Variants in AREL1 observed in about 807,000 individuals in gnomAD.
AREL1 encodes the protein apoptosis-resistant E3 ubiquitin protein ligase 1.
In AREL1, 62 loss-of-function variants were observed where a neutral mutation model predicts 99.0. The ratio of observed to expected loss-of-function variants is 0.63; its 90% CI spans 0.51 to 0.77. The LOEUF (loss-of-function observed/expected upper bound fraction) is 0.77, where lower values mean the gene tolerates loss of function less well. Among genes scored for constraint, AREL1 ranks in the 30% least tolerant of loss-of-function variants. The pLI, the probability that AREL1 is intolerant of heterozygous loss-of-function variation, is 0.00. For synonymous variants in AREL1, 380 were observed against 376.5 expected, an observed-to-expected ratio of 1.01 and a Z score of -0.11; for missense variants, 879 against 1,027.6, an observed-to-expected ratio of 0.86 and a Z score of 1.98.
chr14:74,684,776 G>A (rs763408152), intron 3 of AREL1, 96 bp from the exon 4 acceptor site: 55 of 1,090,788 alleles, frequency 5.0e-5, no homozygotes, highest in Admixed American at 8.0e-5. Flanking sequence ...ATTAAAGGAG[G>A]TCAGGATGAG....
chr14:74,711,060 C>T (rs1453603637), intron 1 of AREL1, among the ~76,000 whole-genome samples: 2 of 147,390 alleles, frequency 1.4e-5, no homozygotes, highest in Non-Finnish European at 3.0e-5. Flanking sequence ...GGAGAAACCC[C>T]GTCTCTACTA....
intron 1 of AREL1, among the ~76,000 whole-genome samples, chr14:74,701,967 C>T (rs1341076386): frequency 1.3e-5 from 2 of 152,234 alleles, no homozygotes; most frequent in Non-Finnish European, 2.9e-5. Context: ...TGTCTCACAT[C>T]CAGGTCACGC....
In AREL1 at chr14:74,684,572, C is replaced by T. The variant is rs1310696797; in HGVS notation, c.125G>A (p.Gly42Glu). ...FLQNEDRERR[G>E]DRTIYDYVRG... ...CACGTAGTCATAAATAGTCCGGTCC[C>T]CTCGGCGCTCGCGGTCCTCATTCTG... Residue 42 changes from glycine to glutamate, a missense_variant, in exon 4 of 20, where the codon GGG (glycine) becomes GAG (glutamate). By Grantham distance (98) the Gly-to-Glu change is moderately conservative. Coordinates refer to ENST00000356357, the MANE Select transcript of AREL1 (RefSeq NM_001039479.2). 1 of 1,614,018 alleles carries T rather than the reference C, an allele frequency of 6.2e-7. No homozygotes were observed. Among genetic ancestry groups the T allele is most frequent in the Non-Finnish European group, 8.5e-7 (1 of 1,180,034 alleles).
At chr14:74,696,216 T>A (rs1394147414) in intron 1 of AREL1, among the ~76,000 whole-genome samples, 1 of 152,186 alleles carries the variant, frequency 6.6e-6, no homozygotes, top group African/African-American at 2.4e-5. Context: ...CTACCTTATA[T>A]AAACAAATAC....
intron 1 of AREL1, among the ~76,000 whole-genome samples, chr14:74,695,042 T>A (rs1327925869): frequency 1.4e-5 from 2 of 144,940 alleles, no homozygotes; most frequent in Non-Finnish European, 1.5e-5. Flanking sequence ...GAAATTAAGA[T>A]AACAGATTAT....
At chr14:74,701,388 G>A (rs776179325) in intron 1 of AREL1, among the ~76,000 whole-genome samples, 14 of 152,198 alleles carry the variant, frequency 9.2e-5, no homozygotes, top group African/African-American at 2.9e-4. Flanking sequence ...CACAAATCAC[G>A]GTGGAAGGTG....
At chr14:74,695,789 T>C (rs1481741923) in intron 1 of AREL1, among the ~76,000 whole-genome samples, 1 of 152,234 alleles carries the variant, frequency 6.6e-6, no homozygotes, top group Non-Finnish European at 1.5e-5. Flanking sequence ...GCTAGTATGG[T>C]GTTCAGCCCT....
At position 74,712,932 on chromosome 14, in the gene AREL1, C is replaced by G. The variant is rs768499778; in HGVS notation, c.-334+1G>C. 1 of 677,032 alleles carries G rather than the reference C, an allele frequency of 1.5e-6. No individual in the cohort carries two copies. The highest frequency in any genetic ancestry group is 1.5e-5 in the South Asian group (1 of 66,394). 41.9% of individuals were successfully genotyped at this position (677,032 alleles called of 1,614,324 possible). On this transcript the variant is annotated splice_donor_variant, in intron 1 of 19. Coordinates refer to ENST00000356357, the MANE Select transcript of AREL1 (RefSeq NM_001039479.2). LOFTEE classifies it low-confidence loss of function (5UTR_SPLICE). ...TGCCTAAGGCTGGAGAGAAACGTTA[C>G]CCGAGCCGGGGGTTGCAGCGCGACG...
intron 5 of AREL1, among the ~76,000 whole-genome samples, chr14:74,680,482 T>C (rs2089605203): frequency 6.6e-6 from 1 of 152,212 alleles, no homozygotes; most frequent in Non-Finnish European, 1.5e-5. Context: ...ACAGCCACTC[T>C]GGAAAAGAAT....
At chr14:74,663,873 C>T (rs745778685) in intron 19 of AREL1, 26 bp downstream of exon 19, 64 of 1,614,066 alleles carry the variant, frequency 4.0e-5, no homozygotes, top group Non-Finnish European at 5.3e-5. Flanking sequence ...AAACACTGGG[C>T]ATGCATCAGG....
chr14:74,679,105 G>C (rs1176398690), intron 5 of AREL1, among the ~76,000 whole-genome samples: 2 of 152,126 alleles, frequency 1.3e-5, no homozygotes, highest in Non-Finnish European at 2.9e-5. Flanking sequence ...TCACTATGTT[G>C]CCCAGGCCGG....
rs937137799 is a variant in AREL1, at chr14:74,661,900, G to A, written c.*1820C>T. 6.5e-6 allele frequency: 1 copy of A among 152,678 alleles called. No homozygotes were observed. The highest frequency in any genetic ancestry group is 2.4e-5 in the African/African-American group (1 of 41,460). The allele number at this position is 152,678 out of a possible 1,614,324, so 9.5% of individuals were successfully genotyped here. A position where few individuals can be genotyped will look rare whatever the true frequency, so the allele number is the denominator to read the frequency against. ...CTGCCGGAGGGGAGAATTCAGAAAA[G>A]CGACTGCCAAAAACAGCAGAACCAG... On this transcript the variant is annotated 3_prime_UTR_variant, in exon 20 of 20. Transcript: ENST00000356357.
chr14:74,670,209 T>G, intron 13 of AREL1, 83 bp from the exon 14 acceptor site: 2 of 1,387,300 alleles, frequency 1.4e-6, no homozygotes, highest in Non-Finnish European at 1.9e-6. Context: ...CCCAACCCCA[T>G]GCCAAAGGAA....
intron 5 of AREL1, among the ~76,000 whole-genome samples, chr14:74,679,806 C>T (rs1294521749): frequency 2.0e-5 from 3 of 151,124 alleles, no homozygotes; most frequent in Non-Finnish European, 2.9e-5. Flanking sequence ...CTAGCTTGGG[C>T]GTCAGAACGA....
chr14:74,682,733 T>C (rs1334317838), intron 5 of AREL1, among the ~76,000 whole-genome samples: 1 of 152,170 alleles, frequency 6.6e-6, no homozygotes, highest in African/African-American at 2.4e-5. Context: ...TAAGCTCTTG[T>C]TCTGAGTTCA....
At chr14:74,702,699 C>G (rs529292074) in intron 1 of AREL1, among the ~76,000 whole-genome samples, 85 of 152,254 alleles carry the variant, frequency 5.6e-4, no homozygotes, top group Non-Finnish European at 1.1e-3. Context: ...ATGGGTTTTT[C>G]TTTTCTATCG....
intron 8 of AREL1, 103 bp downstream of exon 8, chr14:74,675,596 T>A (rs180758095): frequency 8.8e-6 from 13 of 1,471,804 alleles, no homozygotes; most frequent in African/African-American, 4.2e-5. Context: ...GTTAACAATC[T>A]TGCCCTGATT....
At chr14:74,711,676 C>A (rs1168442514) in intron 1 of AREL1, among the ~76,000 whole-genome samples, 1 of 152,126 alleles carries the variant, frequency 6.6e-6, no homozygotes, top group Non-Finnish European at 1.5e-5. Flanking sequence ...CTTCTAGGGA[C>A]CTCGCATGTT....
chr14:74,711,221 AACT>A (rs2090278102), intron 1 of AREL1, among the ~76,000 whole-genome samples: 1 of 126,898 alleles, frequency 7.9e-6, no homozygotes, highest in African/African-American at 3.0e-5. Context: ...ACAAGAGCGA[AACT>A]AACTCCGTCT....
Sources: allele counts gnomAD v4.1 joint callset (sites outside exome capture counted in the v4.1 genomes callset), GRCh38; gene constraint gnomAD v4.1.1; transcripts MANE v1.5; gene names NCBI Gene and HGNC (gene_info 2026-07-23, HGNC 2026-07-21).